Variants in DOCK8 observed in about 807,000 individuals in gnomAD.
DOCK8 encodes the protein dedicator of cytokinesis protein 8.
A neutral mutation model predicts 245.6 loss-of-function variants in DOCK8; 141 were observed. The ratio of observed to expected loss-of-function variants is 0.57; its 90% CI spans 0.50 to 0.66. The LOEUF is 0.66. Among genes scored for constraint, DOCK8 ranks in the 30% least tolerant of loss-of-function variants. The probability of loss-of-function intolerance (pLI) is 0.00; values close to 1 mark genes in which losing one functional copy is unlikely to be tolerated. For synonymous variants in DOCK8, 1,168 were observed against 970.2 expected (o/e 1.20, Z -3.79); for missense variants, 2,965 against 2,603.4 (o/e 1.14, Z -3.02).
intron 24 of DOCK8, 88 bp from the exon 25 acceptor site, chr9:396,697 G>A (rs1423462461): frequency 6.4e-7 from 1 of 1,554,562 alleles, no homozygotes; most frequent in Non-Finnish European, 8.9e-7. Flanking sequence ...TTGTTAGAGA[G>A]CATTTCTGTG....
In DOCK8 at chr9:264,017, C is replaced by G. The variant is rs1027779398; in HGVS notation, c.54-7610C>G. The stretch of plus-strand genomic sequence containing the variant: ...GCCAGTATTTCTTTAAATATTACTT[C>G]TGCTCCAGTTTCATCTCTCCTCCTC... On this transcript the variant is annotated intron_variant, in intron 1 of 47. Transcript: ENST00000432829. Among the ~76,000 whole-genome samples, 3 of 152,162 alleles carry G rather than the reference C, an allele frequency of 2.0e-5. No individual in the cohort carries two copies. In the East Asian group the frequency reaches 5.8e-4, roughly 29 times the overall value.
chr9:377,085 G>GA lies in DOCK8; in HGVS notation c.2315dup (p.Leu773AlafsTer133). The GA allele has an allele frequency of 6.2e-7, 1 of 1,612,898 alleles. No homozygotes were observed. Among genetic ancestry groups the GA allele is most frequent in the Non-Finnish European group, 8.5e-7 (1 of 1,179,956 alleles). On this transcript the variant is annotated frameshift_variant, in exon 20 of 48. Transcript: ENST00000432829. LOFTEE classifies it high-confidence loss of function. ...AATCAGCGAGATGGCGCTGGAGCAT[G>GA]AGCTGAAGCTCAGCATCATCTGCCT...
At chr9:419,423 G>A (rs1288739248) in intron 30 of DOCK8, among the ~76,000 whole-genome samples, 3 of 152,120 alleles carry the variant, frequency 2.0e-5, no homozygotes, top group Non-Finnish European at 4.4e-5. Context: ...AGCTGCTTGA[G>A]GTGGTATATG....
Position 383,362 on chromosome 9 carries a change from G to A in DOCK8, c.2778+677G>A, listed in dbSNP as rs183878653. ...AGCCTGGCTGACATGGTGAAACCCC[G>A]TCTCTACTAAAAATACAAAATTAGC... On this transcript the variant is annotated intron_variant, in intron 22 of 47. Coordinates refer to ENST00000432829, the MANE Select transcript of DOCK8 (RefSeq NM_203447.4). 7.6e-4 allele frequency among the ~76,000 whole-genome samples: 116 copies of A among 152,120 alleles called. 1 individual carries two copies. The East Asian group carries it at 0.016, about 22-fold the overall frequency.
chr9:287,032 C>T (rs1021500823), intron 3 of DOCK8, among the ~76,000 whole-genome samples: 14 of 152,136 alleles, frequency 9.2e-5, no homozygotes, highest in Admixed American at 4.6e-4. Flanking sequence ...ACTGAAATGC[C>T]ACCATCCAGA....
intron 46 of DOCK8, among the ~76,000 whole-genome samples, chr9:455,590 C>T (rs528477902): frequency 6.6e-6 from 1 of 152,064 alleles, no homozygotes; most frequent in Non-Finnish European, 1.5e-5. Context: ...TAACAGGCCC[C>T]CAGGTGATGC....
rs757483989 is a variant in DOCK8 at position 328,099 on chromosome 9, C to T, written c.972C>T (p.Ala324=). The change falls in exon 9 of 48, where the codon GCC becomes GCT. Residue 324 remains alanine, a synonymous_variant. Coordinates refer to ENST00000432829, the MANE Select transcript of DOCK8 (RefSeq NM_203447.4). ...GFLRAHTPSV[A]ASSQARSAVF... ...TGCGAGCTCACACGCCTTCAGTGGC[C>T]GCATCAAGTCAGGCGAGATCTGCAG... The T allele has an allele frequency of 6.2e-6, 10 of 1,614,054 alleles. No individual in the cohort carries two copies. Among genetic ancestry groups the T allele is most frequent in the South Asian group, 1.1e-5 (1 of 91,084 alleles).
intron 18 of DOCK8, among the ~76,000 whole-genome samples, chr9:375,260 G>C (rs1178547723): frequency 1.3e-5 from 2 of 152,102 alleles, no homozygotes; most frequent in African/African-American, 4.8e-5. Context: ...AAACCTAGGC[G>C]AGGCCCTCAC....
chr9:297,315 C>T (rs866742450), intron 4 of DOCK8, among the ~76,000 whole-genome samples: 1 of 152,206 alleles, frequency 6.6e-6, no homozygotes, highest in Non-Finnish European at 1.5e-5. Flanking sequence ...CCAGCGTCTG[C>T]ACCCAGTTCC....
rs755996094 is a variant in DOCK8, at chr9:332,529, A to G, written c.1125+51A>G. 4.4e-6 allele frequency: 6 copies of G among 1,364,312 alleles called. 1 individual carries two copies. The South Asian group carries it at 5.8e-5, about 13-fold the overall frequency. 84.5% of individuals were successfully genotyped at this position (1,364,312 alleles called of 1,614,324 possible). A position where few individuals can be genotyped will look rare whatever the true frequency, so the allele number is the denominator to read the frequency against. On this transcript the variant is annotated intron_variant, in intron 10 of 47. Coordinates refer to ENST00000432829, the MANE Select transcript of DOCK8 (RefSeq NM_203447.4). ...TGGAGACATCTTAGAAGAAGCAGGT[A>G]TTTTCAGAAGTGTTACACAAATAGT...
intron 39 of DOCK8, among the ~76,000 whole-genome samples, chr9:439,022 TG>T (rs550612990): frequency 9.1e-4 from 139 of 152,280 alleles, no homozygotes; most frequent in African/African-American, 3.2e-3. Flanking sequence ...AATCTCCTAA[TG>T]GTTAAAAAGA....
rs372814145 is a variant in DOCK8, at chr9:444,835, C to T, written c.5580+1319C>T. Among the ~76,000 whole-genome samples the T allele has an allele frequency of 3.9e-5, 6 of 152,322 alleles. No individual in the cohort carries two copies. The East Asian group carries it at 1.2e-3, about 29-fold the overall frequency. On this transcript the variant is annotated intron_variant, in intron 43 of 47. Coordinates refer to ENST00000432829, the MANE Select transcript of DOCK8 (RefSeq NM_203447.4). ...TTTATTATACCACAAGCTGATGCTG[C>T]CCACTCAGCCCAACTCACATGTCCA...
At chr9:297,490 A>C (rs1017914435) in intron 4 of DOCK8, among the ~76,000 whole-genome samples, 9 of 152,190 alleles carry the variant, frequency 5.9e-5, no homozygotes, top group Non-Finnish European at 1.2e-4. Context: ...TCATTTCATG[A>C]GAATCATTTT....
At chr9:405,634 T>G (rs2055380215) in intron 27 of DOCK8, among the ~76,000 whole-genome samples, 1 of 152,206 alleles carries the variant, frequency 6.6e-6, no homozygotes, top group East Asian at 1.9e-4. Context: ...TTTAAGAACA[T>G]GCTGTTTGAT....
At chr9:413,000 A>G (rs554360468) in intron 28 of DOCK8, among the ~76,000 whole-genome samples, 2 of 152,254 alleles carry the variant, frequency 1.3e-5, no homozygotes, top group East Asian at 3.9e-4. Context: ...ACACTTCCCA[A>G]TTTCAAAACT....
intron 23 of DOCK8, among the ~76,000 whole-genome samples, chr9:387,657 A>G (rs1376775265): frequency 2.0e-5 from 3 of 152,202 alleles, no homozygotes; most frequent in Admixed American, 6.5e-5. Context: ...TCCAGGCACC[A>G]TATGTCTAGT....
chr9:278,742 G>T (rs937678662), intron 2 of DOCK8, among the ~76,000 whole-genome samples: 1 of 152,192 alleles, frequency 6.6e-6, no homozygotes, highest in Non-Finnish European at 1.5e-5. Context: ...AATAAGTGAC[G>T]TGCTCCAGAA....
chr9:238,078 T>G (rs1214105681), intron 1 of DOCK8, among the ~76,000 whole-genome samples: 3 of 152,190 alleles, frequency 2.0e-5, no homozygotes, highest in Non-Finnish European at 4.4e-5. Context: ...TGACTCCTCT[T>G]GTTTTATTCA....
intron 1 of DOCK8, among the ~76,000 whole-genome samples, chr9:234,125 G>C (rs906511670): frequency 6.6e-6 from 1 of 152,146 alleles, no homozygotes; most frequent in African/African-American, 2.4e-5. Context: ...TTGCTTGTCT[G>C]TAAAGGACTT....
Sources: gnomAD v4.1 joint callset for allele counts (sites outside exome capture counted in the v4.1 genomes callset) on GRCh38, gnomAD v4.1.1 for gene constraint, MANE v1.5 for transcripts, NCBI Gene and HGNC (gene_info 2026-07-23, HGNC 2026-07-21) for gene names.